Variants in AGBL1 observed in about 807,000 individuals in gnomAD.
AGBL1 encodes cytosolic carboxypeptidase 4.
AGBL1 carries 130 observed loss-of-function variants against 118.9 expected under a neutral mutation model. The observed-to-expected ratio is 1.09, with a 90% CI of 0.95 to 1.26. The LOEUF (loss-of-function observed/expected upper bound fraction) is 1.26. Ranked by LOEUF, AGBL1 falls within the 50% of genes most tolerant of loss-of-function variation. The pLI is 0.00. For missense variants in AGBL1, 1,584 were observed against 1,298.1 expected, an observed-to-expected ratio of 1.22 and a Z score of -3.38; for synonymous variants, 555 against 478.9, an observed-to-expected ratio of 1.16 and a Z score of -2.08.
At chr15:86,247,566 C>A in intron 6 of AGBL1, 105 bp from the exon 7 acceptor site, 1 of 1,184,548 alleles carries the variant, frequency 8.4e-7, no homozygotes, top group East Asian at 2.5e-5. Context: ...GTTATTATTC[C>A]CTTGATGATT....
intron 22 of AGBL1, among the ~76,000 whole-genome samples, chr15:86,841,082 G>T (rs1452456): frequency 0.92 from 139,789 of 152,342 alleles, 64,285 homozygotes; most frequent in East Asian, 1. Context: ...CCAGCGATGC[G>T]TACACTTGGA....
At chr15:86,995,845 G>A (rs996601889) in intron 24 of AGBL1, among the ~76,000 whole-genome samples, 3 of 152,152 alleles carry the variant, frequency 2.0e-5, no homozygotes, top group Non-Finnish European at 4.4e-5. Flanking sequence ...TTGTAAATAA[G>A]AATCTGCATT....
At chr15:86,971,442 AT>A (rs559671851) in intron 23 of AGBL1, among the ~76,000 whole-genome samples, 18 of 152,104 alleles carry the variant, frequency 1.2e-4, no homozygotes, top group Admixed American at 3.9e-4. Flanking sequence ...ACCAGTTGAT[AT>A]TAATGCTAAA....
intron 7 of AGBL1, among the ~76,000 whole-genome samples, chr15:86,248,087 G>A (rs2078750972): frequency 2.6e-5 from 4 of 152,226 alleles, no homozygotes; most frequent in Admixed American, 1.3e-4. Context: ...GGAGGCCGAG[G>A]CAGGTGATCA....
At chr15:87,001,568 A>G (rs2081437843) in intron 24 of AGBL1, among the ~76,000 whole-genome samples, 1 of 152,042 alleles carries the variant, frequency 6.6e-6, no homozygotes, top group South Asian at 2.1e-4. Context: ...GACTTCCACA[A>G]TGGTTGAACT....
chr15:86,970,443 C>A (rs72755690), intron 23 of AGBL1, among the ~76,000 whole-genome samples: 6,342 of 151,856 alleles, frequency 0.042, 161 homozygotes, highest in Middle Eastern at 0.071. Context: ...TTTTCATAAC[C>A]ATTGGTTGAA....
chr15:86,176,488 C>T (rs1054022799), intron 5 of AGBL1, among the ~76,000 whole-genome samples: 1 of 152,192 alleles, frequency 6.6e-6, no homozygotes, highest in Admixed American at 6.5e-5. Context: ...CTCCCTTTGT[C>T]CTGGAGAAAG....
At chr15:86,983,905 T>G (rs561838098) in intron 23 of AGBL1, among the ~76,000 whole-genome samples, 1 of 152,254 alleles carries the variant, frequency 6.6e-6, no homozygotes, top group African/African-American at 2.4e-5. Context: ...AGTATTCCAC[T>G]GTATGCAACG....
chr15:86,707,580 C>T (rs1274452317), intron 22 of AGBL1, among the ~76,000 whole-genome samples: 1 of 152,012 alleles, frequency 6.6e-6, no homozygotes, highest in African/African-American at 2.4e-5. Context: ...ATACCTTTCC[C>T]ATAATTTGGA....
chr15:86,164,809 C>T (rs143992065), intron 5 of AGBL1, among the ~76,000 whole-genome samples: 26 of 152,290 alleles, frequency 1.7e-4, no homozygotes, highest in Middle Eastern at 3.4e-3. Context: ...CTGACCATTG[C>T]TCCACACTTC....
At chr15:86,817,946 A>C (rs2078888894) in intron 22 of AGBL1, among the ~76,000 whole-genome samples, 1 of 152,172 alleles carries the variant, frequency 6.6e-6, no homozygotes, top group South Asian at 2.1e-4. Flanking sequence ...ATGGAGGCAG[A>C]GATTAGAGTG....
intron 21 of AGBL1, among the ~76,000 whole-genome samples, chr15:86,623,903 G>T (rs1211669999): frequency 6.6e-6 from 1 of 152,158 alleles, no homozygotes; most frequent in African/African-American, 2.4e-5. Flanking sequence ...CCTAGAAGAG[G>T]CACAATTAGA....
intron 22 of AGBL1, among the ~76,000 whole-genome samples, chr15:86,698,410 CA>C (rs779096693): frequency 1.6e-4 from 25 of 151,950 alleles, no homozygotes; most frequent in Non-Finnish European, 3.5e-4. Flanking sequence ...CACTTTGCCT[CA>C]GTACGAATAA....
At chr15:86,187,985 G>A (rs1289277230) in intron 5 of AGBL1, among the ~76,000 whole-genome samples, 2 of 152,170 alleles carry the variant, frequency 1.3e-5, no homozygotes, top group Admixed American at 6.6e-5. Flanking sequence ...GTACAGAAAG[G>A]CCCAGATTAG....
At chr15:86,147,583 T>G (rs1292423124) in intron 3 of AGBL1, among the ~76,000 whole-genome samples, 3 of 152,210 alleles carry the variant, frequency 2.0e-5, no homozygotes, top group Non-Finnish European at 4.4e-5. Context: ...TGCTGAGGCC[T>G]GACTAGGTAA....
intron 22 of AGBL1, among the ~76,000 whole-genome samples, chr15:86,761,020 A>G (rs2141271453): frequency 6.6e-6 from 1 of 152,194 alleles, no homozygotes; most frequent in African/African-American, 2.4e-5. Context: ...AGAGGGAAAC[A>G]GTATTCTAGC....
intron 23 of AGBL1, among the ~76,000 whole-genome samples, chr15:86,936,234 GTATGTA>G (rs1228461797): frequency 9.9e-6 from 1 of 100,750 alleles, no homozygotes; most frequent in Non-Finnish European, 2.1e-5. Context: ...ACAGCAGTGT[GTATGTA>G]TGTGTGTGTG....
chr15:86,295,410 T>C lies in AGBL1; in HGVS notation c.2374+2T>C. Reference sequence around the variant, plus strand: ...GTGATGAGCATCTAGAGCAGTTCCGTGAGTAAAATGGGATCCTCTTCGTAG... The same window carrying C: ...GTGATGAGCATCTAGAGCAGTTCCGCGAGTAAAATGGGATCCTCTTCGTAG... On this transcript the variant is annotated splice_donor_variant, in intron 17 of 22. Coordinates refer to ENST00000614907, the MANE Select transcript of AGBL1 (RefSeq NM_001386094.1). LOFTEE classifies it high-confidence loss of function. 6.4e-7 allele frequency: 1 copy of C among 1,554,616 alleles called. No individual in the cohort carries two copies.
chr15:86,219,189 C>T (rs999188182), intron 5 of AGBL1, among the ~76,000 whole-genome samples: 31 of 152,194 alleles, frequency 2.0e-4, no homozygotes, highest in Admixed American at 6.5e-4. Context: ...CCTGCAGGCT[C>T]ACTGCCTGCA....
Sources: gnomAD v4.1 joint callset for allele counts (sites outside exome capture counted in the v4.1 genomes callset) on GRCh38, gnomAD v4.1.1 for gene constraint, MANE v1.5 for transcripts, NCBI Gene and HGNC (gene_info 2026-07-23, HGNC 2026-07-21) for gene names.